FEZ2: variants seen among roughly 807,000 people sequenced by gnomAD.
The protein encoded by FEZ2 is fasciculation and elongation protein zeta-2.
A neutral mutation model predicts 40.4 loss-of-function variants in FEZ2; 51 were observed. That is an observed-to-expected ratio of 1.26 (90% CI 1.01 to 1.59). The LOEUF (loss-of-function observed/expected upper bound fraction) is 1.59. Among genes scored for constraint, FEZ2 ranks in the 40% most tolerant of loss-of-function variants. The probability of loss-of-function intolerance (pLI) is 0.00; values close to 1 mark genes in which losing one functional copy is unlikely to be tolerated. For missense variants in FEZ2, 640 were observed against 438.3 expected, an observed-to-expected ratio of 1.46 and a Z score of -4.11; for synonymous variants, 242 against 172.0, an observed-to-expected ratio of 1.41 and a Z score of -3.18.
Position 36,598,110 on chromosome 2 carries a change from A to C in FEZ2, c.33T>G (p.Tyr11Ter). ...GGCTCCGGGCCGGCTCCTGGAACTC[A>C]TAGAAATCCTGCCAGTCCCCGTCCG... MAADGDWQDF[Y>*]EFQEPARSLL... Residue 11 changes from tyrosine to a stop codon, truncating the protein, a stop_gained, in exon 1 of 8, where the codon TAT (tyrosine) becomes TAG (stop). Coordinates refer to ENST00000405912, the MANE Select transcript of FEZ2 (RefSeq NM_005102.3). LOFTEE classifies it high-confidence loss of function. The C allele has an allele frequency of 6.7e-7, 1 of 1,483,136 alleles. No homozygotes were observed. The highest frequency in any genetic ancestry group is 1.2e-5 in the South Asian group (1 of 80,080). The allele number at this position is 1,483,136 out of a possible 1,614,324, so 91.9% of individuals were successfully genotyped here. A position where few individuals can be genotyped will look rare whatever the true frequency, so the allele number is the denominator to read the frequency against.
At chr2:36,560,731 C>T in intron 5 of FEZ2, 1 of 1,131,490 alleles carries the variant, frequency 8.8e-7, no homozygotes, top group Non-Finnish European at 1.3e-6. Context: ...AGGATCTTCA[C>T]TTACACAGAA....
chr2:36,581,455 T>G (rs1558454293), intron 3 of FEZ2, 24 bp from the exon 4 acceptor site: 4 of 1,608,712 alleles, frequency 2.5e-6, no homozygotes, highest in South Asian at 2.2e-5. Flanking sequence ...CACACCACTG[T>G]TAATCAAATA....
intron 5 of FEZ2, among the ~76,000 whole-genome samples, chr2:36,563,461 G>A (rs1668146008): frequency 6.7e-6 from 1 of 150,368 alleles, no homozygotes; most frequent in South Asian, 2.1e-4. Context: ...CAGTTCAATC[G>A]CCTCTTGATC....
At chr2:36,574,121 A>G (rs1478162429) in intron 5 of FEZ2, among the ~76,000 whole-genome samples, 1 of 152,262 alleles carries the variant, frequency 6.6e-6, no homozygotes, top group Non-Finnish European at 1.5e-5. Context: ...AGGCAGTTGG[A>G]CATATATAAC....
chr2:36,560,765 A>C, intron 5 of FEZ2: 1 of 1,518,974 alleles, frequency 6.6e-7, no homozygotes, highest in South Asian at 1.2e-5. Flanking sequence ...AGAATGAGGA[A>C]AATAAGGATA....
Position 36,557,239 on chromosome 2 carries a change from CCT to C in FEZ2, c.979+1197_979+1198del, listed in dbSNP as rs748547472. On this transcript the variant is annotated intron_variant, in intron 6 of 7. Transcript: ENST00000405912. ...ATCCAGCTCTGTAACTAACCATCCC[CCT>C]GTGTGATCTTGGACACATATAACTT... 3.3e-5 allele frequency: 5 copies of C among 152,124 alleles called. No homozygotes were observed. In the East Asian group the frequency reaches 9.6e-4, roughly 29 times the overall value. The allele number at this position is 152,124 out of a possible 1,614,324, so 9.4% of individuals were successfully genotyped here. A position where few individuals can be genotyped will look rare whatever the true frequency, so the allele number is the denominator to read the frequency against.
At chr2:36,564,535 C>A (rs900083633) in intron 5 of FEZ2, among the ~76,000 whole-genome samples, 4 of 152,118 alleles carry the variant, frequency 2.6e-5, no homozygotes, top group Admixed American at 2.6e-4. Context: ...AAGCACAACA[C>A]GTAAATGAAG....
Position 36,558,515 on chromosome 2 carries a change from T to A in FEZ2, c.904-2A>T, listed in dbSNP as rs1412418794. The stretch of plus-strand genomic sequence containing the variant: ...ATAAGGAATGACTGTAGTCAAATAC[T>A]GCCAAGTTTAAAAAAAAAAAGTGTC... On this transcript the variant is annotated splice_acceptor_variant, in intron 5 of 7. Coordinates refer to ENST00000405912, the MANE Select transcript of FEZ2 (RefSeq NM_005102.3). LOFTEE classifies it high-confidence loss of function. 2 of 1,490,876 alleles carry A rather than the reference T, an allele frequency of 1.3e-6. No homozygotes were observed. The highest frequency in any genetic ancestry group is 1.8e-6 in the Non-Finnish European group (2 of 1,115,214). The allele number at this position is 1,490,876 out of a possible 1,614,324, so 92.4% of individuals were successfully genotyped here. A position where few individuals can be genotyped will look rare whatever the true frequency, so the allele number is the denominator to read the frequency against.
intron 4 of FEZ2, 68 bp from the exon 5 acceptor site, chr2:36,578,933 T>C: frequency 7.5e-6 from 10 of 1,336,258 alleles, no homozygotes; most frequent in Non-Finnish European, 1.0e-5. Context: ...AACAGAGTAG[T>C]CACTAGGAAT....
At chr2:36,592,527 T>C (rs969140312) in intron 1 of FEZ2, among the ~76,000 whole-genome samples, 11 of 151,296 alleles carry the variant, frequency 7.3e-5, no homozygotes, top group African/African-American at 1.7e-4. Context: ...ACGTTAGGGA[T>C]GGGCCTGGTG....
intron 3 of FEZ2, 45 bp from the exon 4 acceptor site, chr2:36,581,476 A>G (rs774540991): frequency 1.3e-6 from 2 of 1,581,296 alleles, no homozygotes; most frequent in Non-Finnish European, 1.7e-6. Context: ...TACAAAAGGA[A>G]AATGATCTAT....
At chr2:36,595,688 T>C (rs1422910933) in intron 1 of FEZ2, among the ~76,000 whole-genome samples, 1 of 152,156 alleles carries the variant, frequency 6.6e-6, no homozygotes, top group Non-Finnish European at 1.5e-5. Flanking sequence ...AAAAGGGAAC[T>C]GGAACAGACT....
At chr2:36,590,803 G>C (rs2148350664) in intron 2 of FEZ2, 100 bp downstream of exon 2, 2 of 730,584 alleles carry the variant, frequency 2.7e-6, no homozygotes, top group East Asian at 5.4e-5. Context: ...TCAGAAATGA[G>C]AGGCAGGTCA....
At chr2:36,559,178 T>C (rs1279245134) in intron 5 of FEZ2, 1 of 152,124 alleles carries the variant, frequency 6.6e-6, no homozygotes, top group East Asian at 1.9e-4. Flanking sequence ...ATAATGAAAA[T>C]TAATGTCTGA....
chr2:36,595,388 T>C (rs1013213208), intron 1 of FEZ2, among the ~76,000 whole-genome samples: 5 of 151,958 alleles, frequency 3.3e-5, no homozygotes, highest in African/African-American at 1.2e-4. Context: ...AAGCATTAGA[T>C]TCTCATAAGG....
intron 6 of FEZ2, chr2:36,556,047 A>G (rs551521284): frequency 5.5e-6 from 3 of 540,990 alleles, no homozygotes; most frequent in South Asian, 4.6e-5. Context: ...GGTTATTTAC[A>G]AGGAGCCTTC....
At chr2:36,585,241 A>C (rs768956010) in intron 2 of FEZ2, among the ~76,000 whole-genome samples, 3 of 152,224 alleles carry the variant, frequency 2.0e-5, no homozygotes, top group Non-Finnish European at 2.9e-5. Context: ...TATCCAGCTA[A>C]AACAAGTAGG....
intron 1 of FEZ2, 37 bp downstream of exon 1, chr2:36,597,840 G>A: frequency 2.3e-6 from 3 of 1,318,620 alleles, no homozygotes; most frequent in East Asian, 3.1e-5. Flanking sequence ...GGGTAGGGGA[G>A]GCTCCCGCCC....
intron 3 of FEZ2, 39 bp downstream of exon 3, chr2:36,583,313 GA>G: frequency 9.9e-7 from 1 of 1,011,004 alleles, no homozygotes; most frequent in Non-Finnish European, 1.5e-6. Flanking sequence ...TTCAGCTCTA[GA>G]GTCTCCTTTC....
Sources: allele counts gnomAD v4.1 joint callset (sites outside exome capture counted in the v4.1 genomes callset), GRCh38; gene constraint gnomAD v4.1.1; transcripts MANE v1.5; gene names NCBI Gene and HGNC (gene_info 2026-07-23, HGNC 2026-07-21).